NIBAN2: variants seen among roughly 807,000 people sequenced by gnomAD.
The protein encoded by NIBAN2 is protein Niban 2.
A neutral mutation model predicts 81.8 loss-of-function variants in NIBAN2; 36 were observed. The observed-to-expected ratio is 0.44, with a 90% confidence interval of 0.34 to 0.58. NIBAN2 has a LOEUF of 0.58. NIBAN2 is among the 20% of genes least tolerant of loss of function. NIBAN2 has a pLI of 0.02. For synonymous variants in NIBAN2, 445 were observed against 441.6 expected, an observed-to-expected ratio of 1.01 and a Z score of -0.10; for missense variants, 897 against 1,014.1, an observed-to-expected ratio of 0.88 and a Z score of 1.57.
chr9:127,539,941 G>A (rs1278593382), intron 1 of NIBAN2, among the ~76,000 whole-genome samples: 2 of 152,196 alleles, frequency 1.3e-5, no homozygotes, highest in East Asian at 3.9e-4. Flanking sequence ...TCTGCAAAAT[G>A]GCACAACAGT....
intron 1 of NIBAN2, among the ~76,000 whole-genome samples, chr9:127,562,471 T>C (rs747201368): frequency 5.9e-5 from 9 of 152,198 alleles, no homozygotes; most frequent in Admixed American, 2.0e-4. Context: ...CCCTGCTCTA[T>C]CAACCATGTC....
intron 1 of NIBAN2, among the ~76,000 whole-genome samples, chr9:127,549,307 C>T (rs1375284799): frequency 6.6e-6 from 1 of 152,194 alleles, no homozygotes; most frequent in Non-Finnish European, 1.5e-5. Context: ...CCACCATTCA[C>T]ACACACGTGT....
At chr9:127,567,390 A>G (rs1189408991) in intron 1 of NIBAN2, among the ~76,000 whole-genome samples, 2 of 152,138 alleles carry the variant, frequency 1.3e-5, no homozygotes, top group Non-Finnish European at 2.9e-5. Flanking sequence ...GAGGCTTTCC[A>G]GGACTTAACC....
At chr9:127,516,598 A>C (rs963538995) in intron 8 of NIBAN2, among the ~76,000 whole-genome samples, 2 of 152,166 alleles carry the variant, frequency 1.3e-5, no homozygotes. Context: ...CACATGGTAA[A>C]AATCTGTGAC....
At position 127,505,419 on chromosome 9, in the gene NIBAN2, T is replaced by G. The variant is rs570314913; in HGVS notation, c.*1426A>C. On this transcript the variant is annotated 3_prime_UTR_variant, in exon 14 of 14. Coordinates refer to ENST00000373312, the MANE Select transcript of NIBAN2 (RefSeq NM_022833.4). Reference sequence around the variant, plus strand: ...TTTTCAATACAATATCAGGGAGGGATGATGGGAACCCCTCAAAAGGCACTA... The same window carrying G: ...TTTTCAATACAATATCAGGGAGGGAGGATGGGAACCCCTCAAAAGGCACTA... 6.5e-6 allele frequency: 1 copy of G among 152,784 alleles called. No individual in the cohort carries two copies. The highest frequency in any genetic ancestry group is 1.9e-4 in the East Asian group (1 of 5,186). 9.5% of individuals were successfully genotyped at this position (152,784 alleles called of 1,614,324 possible).
Position 127,536,287 on chromosome 9 carries a change from AG to A in NIBAN2, c.56-4510del, listed in dbSNP as rs1396578056. Among the ~76,000 whole-genome samples the A allele has an allele frequency of 6.6e-6, 1 of 152,160 alleles. No homozygotes were observed. Among genetic ancestry groups the A allele is most frequent in the Non-Finnish European group, 1.5e-5 (1 of 68,020 alleles). On this transcript the variant is annotated intron_variant, in intron 1 of 13. Transcript: ENST00000373312. The surrounding 1 kb of genome is among the most constrained non-coding windows in gnomAD (Gnocchi z 4.0). ...ATTGGGAGGGGGCCAGCCTGGACAA[AG>A]GGCTTGCAGGGCCTTCCTGGCTGGA...
At chr9:127,543,871 CAGTT>C (rs532733873) in intron 1 of NIBAN2, among the ~76,000 whole-genome samples, 15 of 152,316 alleles carry the variant, frequency 9.8e-5, no homozygotes, top group East Asian at 1.9e-4. Flanking sequence ...ATGCATGTAA[CAGTT>C]AGTTCTGTGC....
At chr9:127,555,305 G>A (rs1009475944) in intron 1 of NIBAN2, among the ~76,000 whole-genome samples, 2 of 152,146 alleles carry the variant, frequency 1.3e-5, no homozygotes, top group Non-Finnish European at 2.9e-5. Flanking sequence ...GAAGGGGGAC[G>A]ACCACCCTTA....
rs766385248 is a variant in NIBAN2, at chr9:127,507,285, T to TGCCGCCCCC, written c.1792_1800dup (p.Gly598_Gly600dup). 3 of 1,587,866 alleles carry TGCCGCCCCC rather than the reference T, an allele frequency of 1.9e-6. No homozygotes were observed. Among genetic ancestry groups the TGCCGCCCCC allele is most frequent in the Non-Finnish European group, 2.6e-6 (3 of 1,164,488 alleles). On this transcript the variant is annotated inframe_insertion, in exon 14 of 14. Transcript: ENST00000373312. This position sits in a 1 kb window ranked among gnomAD's most constrained non-coding sequence, Gnocchi z 6.8. ...GACTCCGGGGTGCTGGGGCTGGGGC[T>TGCCGCCCCC]GCCGCCCCCGCCGCTGTTGCTGTAC...
intron 1 of NIBAN2, among the ~76,000 whole-genome samples, chr9:127,565,656 T>C (rs986773434): frequency 5.3e-5 from 8 of 151,442 alleles, no homozygotes; most frequent in African/African-American, 1.9e-4. Flanking sequence ...CAGCCAAGCA[T>C]GGTGGTGTGT....
chr9:127,553,031 C>G, intron 1 of NIBAN2, among the ~76,000 whole-genome samples: 1 of 152,012 alleles, frequency 6.6e-6, no homozygotes, highest in East Asian at 1.9e-4. Context: ...GGAGGAGGCC[C>G]ACTACTCACT....
At chr9:127,560,707 C>T (rs1837758784) in intron 1 of NIBAN2, among the ~76,000 whole-genome samples, 1 of 152,208 alleles carries the variant, frequency 6.6e-6, no homozygotes, top group African/African-American at 2.4e-5. Context: ...CAGCACAGCG[C>T]CGGGCACACA....
rs1295142292 is a variant in NIBAN2 at position 127,545,080 on chromosome 9, G to A, written c.56-13302C>T. Among the ~76,000 whole-genome samples the A allele has an allele frequency of 6.6e-6, 1 of 152,266 alleles. No homozygotes were observed. The highest frequency in any genetic ancestry group is 1.5e-5 in the Non-Finnish European group (1 of 68,020). On this transcript the variant is annotated intron_variant, in intron 1 of 13. Coordinates refer to ENST00000373312, the MANE Select transcript of NIBAN2 (RefSeq NM_022833.4). This position sits in a 1 kb window ranked among gnomAD's most constrained non-coding sequence, Gnocchi z 4.7. ...GCTTTCACACCCAGCGAACCCAAGCGAACCGCAACCTCAGCCCCTCAGCTT... is the reference window on the plus strand; with the variant it reads ...GCTTTCACACCCAGCGAACCCAAGCAAACCGCAACCTCAGCCCCTCAGCTT...
At position 127,505,366 on chromosome 9, in the gene NIBAN2, A is replaced by C. The variant is rs879713796; in HGVS notation, c.*1479T>G. On this transcript the variant is annotated 3_prime_UTR_variant, in exon 14 of 14. Transcript: ENST00000373312. ...GCTTTAAATAAAGCGTTTATTGATT[A>C]GTAGAAGCATGAACAGTGTGCATAA... The C allele has an allele frequency of 2.0e-5, 3 of 152,664 alleles. No homozygotes were observed. The highest frequency in any genetic ancestry group is 2.9e-5 in the Non-Finnish European group (2 of 68,056). The allele number at this position is 152,664 out of a possible 1,614,324, so 9.5% of individuals were successfully genotyped here. A position where few individuals can be genotyped will look rare whatever the true frequency, so the allele number is the denominator to read the frequency against.
chr9:127,508,892 G>A lies in NIBAN2; in HGVS notation c.1317+84C>T, dbSNP rs1278438045. 14 of 1,488,092 alleles carry A rather than the reference G, an allele frequency of 9.4e-6. No individual in the cohort carries two copies. Among genetic ancestry groups the A allele is most frequent in the South Asian group, 3.4e-5 (3 of 87,850 alleles). The allele number at this position is 1,488,092 out of a possible 1,614,324, so 92.2% of individuals were successfully genotyped here. A position where few individuals can be genotyped will look rare whatever the true frequency, so the allele number is the denominator to read the frequency against. On this transcript the variant is annotated intron_variant, in intron 10 of 13. Transcript: ENST00000373312. The surrounding 1 kb of genome is among the most constrained non-coding windows in gnomAD (Gnocchi z 6.4). ...AAGCGTGGCTATGGCATGACGGGAC[G>A]GAGCAGAAGGGACCCCCTGGGCGAG...
chr9:127,540,902 A>G (rs994523634), intron 1 of NIBAN2, among the ~76,000 whole-genome samples: 1 of 152,218 alleles, frequency 6.6e-6, no homozygotes, highest in Non-Finnish European at 1.5e-5. Flanking sequence ...TCAGGGTTTC[A>G]GGGCTGAGAG....
At chr9:127,578,810 T>C in intron 1 of NIBAN2, 1 of 1,017,674 alleles carries the variant, frequency 9.8e-7, no homozygotes, top group Non-Finnish European at 1.5e-6. Flanking sequence ...TGAGCTATGA[T>C]CATTCCGCTG....
At chr9:127,524,572 C>G (rs1837025482) in intron 4 of NIBAN2, among the ~76,000 whole-genome samples, 1 of 151,014 alleles carries the variant, frequency 6.6e-6, no homozygotes, top group Non-Finnish European at 1.5e-5. Context: ...ACGCTGGAAT[C>G]CAGGAATGCT....
intron 1 of NIBAN2, among the ~76,000 whole-genome samples, chr9:127,551,479 C>T (rs1055231307): frequency 9.2e-5 from 14 of 151,864 alleles, no homozygotes; most frequent in African/African-American, 3.1e-4. Flanking sequence ...GTAGAGATTG[C>T]GCCACTGCAC....
Sources: allele counts gnomAD v4.1 joint callset (sites outside exome capture counted in the v4.1 genomes callset), GRCh38; gene constraint gnomAD v4.1.1; non-coding constraint Gnocchi (gnomAD v3.1); transcripts MANE v1.5; gene names NCBI Gene and HGNC (gene_info 2026-07-23, HGNC 2026-07-21).